The following PCOLCE variants were observed in gnomAD, a reference collection of about 807,000 sequenced individuals.
PCOLCE encodes procollagen C-endopeptidase enhancer, also known as procollagen C-endopeptidase enhancer 1.
In PCOLCE, 33 loss-of-function variants were observed where a neutral mutation model predicts 47.2. That is an observed-to-expected ratio of 0.70 (90% CI 0.53 to 0.93). The LOEUF is 0.93. PCOLCE is among the 40% of genes least tolerant of loss of function. PCOLCE has a pLI of 0.00. For synonymous variants in PCOLCE, 254 were observed against 252.5 expected, an observed-to-expected ratio of 1.01 and a Z score of -0.06; for missense variants, 584 against 585.3, an observed-to-expected ratio of 1.00 and a Z score of 0.02.
At chr7:100,607,090 C>CAA (rs559618495) in intron 6 of PCOLCE, among the ~76,000 whole-genome samples, 31 of 105,228 alleles carry the variant, frequency 2.9e-4, no homozygotes, top group Admixed American at 6.9e-4. Flanking sequence ...GATTCTGTCT[C>CAA]AAAAAAAAAA....
In PCOLCE at chr7:100,605,069, C is replaced by G; in HGVS notation, c.464-22C>G. 6.3e-7 allele frequency: 1 copy of G among 1,590,636 alleles called. No homozygotes were observed. Among genetic ancestry groups the G allele is most frequent in the Non-Finnish European group, 8.6e-7 (1 of 1,162,088 alleles). ...GAGGGTCTCCACCGCCCCCCACCCC[C>G]GCTCCTCTCTCCCCTCCCCAGAGCA... On this transcript the variant is annotated intron_variant, in intron 3 of 8. Transcript: ENST00000223061. The surrounding 1 kb of genome is among the most constrained non-coding windows in gnomAD (Gnocchi z 6.1).
chr7:100,605,289 A>C lies in PCOLCE; in HGVS notation c.588+74A>C. 3 of 1,465,474 alleles carry C rather than the reference A, an allele frequency of 2.0e-6. No homozygotes were observed. Among genetic ancestry groups the C allele is most frequent in the Non-Finnish European group, 2.8e-6 (3 of 1,070,880 alleles). The allele number at this position is 1,465,474 out of a possible 1,614,324, so 90.8% of individuals were successfully genotyped here. On this transcript the variant is annotated intron_variant, in intron 4 of 8. Transcript: ENST00000223061. The surrounding 1 kb of genome is among the most constrained non-coding windows in gnomAD (Gnocchi z 6.1). ...TCCAGCTTGCAGCCAGCAGAGATTT[A>C]TTGAAGATCTGCTGTGTCCCGAGCA...
At chr7:100,607,342 G>A (rs1275162437) in intron 6 of PCOLCE, 110 bp from the exon 7 acceptor site, 3 of 823,264 alleles carry the variant, frequency 3.6e-6, no homozygotes, top group Non-Finnish European at 6.1e-6. Context: ...TGGGTGCTAG[G>A]ACCGGAAGCC....
chr7:100,603,146 C>G, intron 1 of PCOLCE: 1 of 335,838 alleles, frequency 3.0e-6, no homozygotes, highest in Non-Finnish European at 5.3e-6. Context: ...GAAGGGGGGC[C>G]GAGGAGGATT....
rs759682787 is a variant in PCOLCE, at chr7:100,605,108, G to A, written c.481G>A (p.Gly161Arg). 6.2e-7 allele frequency: 1 copy of A among 1,612,082 alleles called. No homozygotes were observed. Among genetic ancestry groups the A allele is most frequent in the African/African-American group, 1.3e-5 (1 of 74,896 alleles). Reference sequence around the variant, plus strand: ...CTCCCCAGAGCACCAATTTTGCGGGGGGCGGCTGGAGAAGGCCCAGGGAAC... The same window carrying A: ...CTCCCCAGAGCACCAATTTTGCGGGAGGCGGCTGGAGAAGGCCCAGGGAAC... ...TSGTEHQFCG[G>R]RLEKAQGTLT... Residue 161 changes from glycine (G) to arginine (R), a missense_variant, in exon 4 of 9, where the codon GGG (glycine) becomes AGG (arginine). By Grantham distance (125) the Gly-to-Arg change is moderately radical. Transcript: ENST00000223061. The surrounding 1 kb of genome is among the most constrained non-coding windows in gnomAD (Gnocchi z 6.1).
chr7:100,602,915 G>C, intron 1 of PCOLCE: 1 of 333,208 alleles, frequency 3.0e-6, no homozygotes, highest in South Asian at 4.0e-5. Context: ...AGTGAGTGGA[G>C]ACTTGGGAGT....
rs1014892290 is a variant in PCOLCE at position 100,605,880 on chromosome 7, G to A, written c.725+68G>A. 1 of 1,502,204 alleles carries A rather than the reference G, an allele frequency of 6.7e-7. No homozygotes were observed. Among genetic ancestry groups the A allele is most frequent in the African/African-American group, 1.4e-5 (1 of 72,244 alleles). 93.1% of individuals were successfully genotyped at this position (1,502,204 alleles called of 1,614,324 possible). A position where few individuals can be genotyped will look rare whatever the true frequency, so the allele number is the denominator to read the frequency against. On this transcript the variant is annotated intron_variant, in intron 5 of 8. Transcript: ENST00000223061. This position sits in a 1 kb window ranked among gnomAD's most constrained non-coding sequence, Gnocchi z 6.1. Reference sequence around the variant, plus strand: ...ACCGCACGCACGCGGCTGTTTGGAGGGGCGGGGTTCAGCTAAAGGGACGGG... The same window carrying A: ...ACCGCACGCACGCGGCTGTTTGGAGAGGCGGGGTTCAGCTAAAGGGACGGG...
chr7:100,603,814 C>T (rs1394707704), intron 2 of PCOLCE, 145 bp from the exon 3 acceptor site: 3 of 883,674 alleles, frequency 3.4e-6, no homozygotes, highest in East Asian at 5.0e-5. Context: ...GCTGCAGAGA[C>T]CAGGCCCTCT....
intron 6 of PCOLCE, among the ~76,000 whole-genome samples, chr7:100,607,204 C>T (rs1802732334): frequency 6.6e-6 from 1 of 152,060 alleles, no homozygotes; most frequent in African/African-American, 2.4e-5. Flanking sequence ...GACTGTGCCG[C>T]TACACTCCAG....
At position 100,608,026 on chromosome 7, in the gene PCOLCE, C is replaced by G; in HGVS notation, c.1273C>G (p.Gln425Glu). Reference protein sequence around the residue: ...ESFVVLHRPNQDQILTNLSKR... With the variant: ...ESFVVLHRPNEDQILTNLSKR... ...CTTTGTGGTTCTCCACCGGCCCAAC[C>G]AGGACCAGATCCTCACCAACCTAAG... is the stretch of plus-strand genomic sequence containing the variant. Residue 425 changes from glutamine (Q) to glutamate (E), a missense_variant, in exon 9 of 9, where the codon CAG becomes GAG. Transcript: ENST00000223061. 6.2e-7 allele frequency: 1 copy of G among 1,614,118 alleles called. No homozygotes were observed. The highest frequency in any genetic ancestry group is 8.5e-7 in the Non-Finnish European group (1 of 1,179,984).
At position 100,604,546 on chromosome 7, in the gene PCOLCE, C is replaced by T; in HGVS notation, c.463+329C>T. On this transcript the variant is annotated intron_variant, in intron 3 of 8. Transcript: ENST00000223061. This position sits in a 1 kb window ranked among gnomAD's most constrained non-coding sequence, Gnocchi z 6.4. The stretch of plus-strand genomic sequence containing the variant: ...CCGTCCGCAATCGGGCTCCCTCCGT[C>T]GGGCGCGAGGGGGCACCCCAGGGCT... 1 of 445,746 alleles carries T rather than the reference C, an allele frequency of 2.2e-6. No homozygotes were observed. The highest frequency in any genetic ancestry group is 4.2e-6 in the Non-Finnish European group (1 of 240,162). The allele number at this position is 445,746 out of a possible 1,614,324, so 27.6% of individuals were successfully genotyped here.
chr7:100,602,662 G>C (rs1259612251), intron 1 of PCOLCE, 111 bp downstream of exon 1: 2 of 728,906 alleles, frequency 2.7e-6, no homozygotes, highest in Admixed American at 3.8e-5. Flanking sequence ...CCACTCCCCA[G>C]ATTCCCCACC....
rs756963043 is a variant in PCOLCE, at chr7:100,605,057, G to A, written c.464-34G>A. The A allele has an allele frequency of 2.6e-6, 4 of 1,540,134 alleles. No individual in the cohort carries two copies. In the South Asian group the frequency reaches 4.5e-5, roughly 17 times the overall value. ...CTGAAGCTGACCGAGGGTCTCCACCGCCCCCCACCCCCGCTCCTCTCTCCC... is the reference window on the plus strand; with the variant it reads ...CTGAAGCTGACCGAGGGTCTCCACCACCCCCCACCCCCGCTCCTCTCTCCC... On this transcript the variant is annotated intron_variant, in intron 3 of 8. Transcript: ENST00000223061. This position sits in a 1 kb window ranked among gnomAD's most constrained non-coding sequence, Gnocchi z 6.1.
rs370647091 is a variant in PCOLCE at position 100,605,744 on chromosome 7, C to A, written c.657C>A (p.Ser219Arg). Residue 219 changes from serine to arginine, a missense_variant, in exon 5 of 9, where the codon AGC (serine) becomes AGA (arginine). Coordinates refer to ENST00000223061, the MANE Select transcript of PCOLCE (RefSeq NM_002593.4). The surrounding 1 kb of genome is among the most constrained non-coding windows in gnomAD (Gnocchi z 6.1). ...CCTACTGCCGCTATGACTCGGTCAG[C>A]GTGTTCAACGGAGCCGTGAGCGACG... Reference protein sequence around the residue: ...PDTYCRYDSVSVFNGAVSDDS... With the variant: ...PDTYCRYDSVRVFNGAVSDDS... 1.9e-6 allele frequency: 3 copies of A among 1,566,768 alleles called. No individual in the cohort carries two copies. The highest frequency in any genetic ancestry group is 2.3e-5 in the South Asian group (2 of 85,246).
chr7:100,607,103 A>AAAAAAAAAAAAAAAAAAC (rs1376138827), intron 6 of PCOLCE, among the ~76,000 whole-genome samples: 1 of 151,648 alleles, frequency 6.6e-6, no homozygotes, highest in African/African-American at 2.4e-5. Context: ...AAAAAAAAAA[A>AAAAAAAAAAAAAAAAAAC]AAACTTAGCC....
At position 100,605,722 on chromosome 7, in the gene PCOLCE, A is replaced by ACT; in HGVS notation, c.636_637dup (p.Cys213SerfsTer14). On this transcript the variant is annotated frameshift_variant, in exon 5 of 9. Transcript: ENST00000223061. LOFTEE classifies it high-confidence loss of function. The surrounding 1 kb of genome is among the most constrained non-coding windows in gnomAD (Gnocchi z 6.1). ...AAGTTTGACCTGGAGCCGGACACCTACTGCCGCTATGACTCGGTCAGCGTG... is the reference window on the plus strand; with the variant it reads ...AAGTTTGACCTGGAGCCGGACACCTACTCTGCCGCTATGACTCGGTCAGCGTG... 1 of 1,575,952 alleles carries ACT rather than the reference A, an allele frequency of 6.3e-7. No homozygotes were observed. Among genetic ancestry groups the ACT allele is most frequent in the East Asian group, 2.3e-5 (1 of 42,736 alleles).
intron 1 of PCOLCE, chr7:100,602,996 C>CATTGAAA: frequency 4.5e-6 from 1 of 221,088 alleles, no homozygotes; most frequent in Non-Finnish European, 8.8e-6. Flanking sequence ...CCTCCAGGTT[C>CATTGAAA]AATCAGAGGG....
intron 1 of PCOLCE, 46 bp from the exon 2 acceptor site, chr7:100,603,384 G>A: frequency 1.8e-6 from 1 of 568,266 alleles, no homozygotes; most frequent in Non-Finnish European, 3.2e-6. Context: ...GTGCTCCCCC[G>A]TCCCACCCGT....
At position 100,605,263 on chromosome 7, in the gene PCOLCE, C is replaced by A. The variant is rs1338169609; in HGVS notation, c.588+48C>A. The A allele has an allele frequency of 6.4e-7, 1 of 1,568,380 alleles. No homozygotes were observed. Among genetic ancestry groups the A allele is most frequent in the Admixed American group, 1.8e-5 (1 of 56,958 alleles). On this transcript the variant is annotated intron_variant, in intron 4 of 8. Coordinates refer to ENST00000223061, the MANE Select transcript of PCOLCE (RefSeq NM_002593.4). The surrounding 1 kb of genome is among the most constrained non-coding windows in gnomAD (Gnocchi z 6.1). The stretch of plus-strand genomic sequence containing the variant: ...TGCCCTAGGGGACCCAGGCGGCGCC[C>A]TCCAGCTTGCAGCCAGCAGAGATTT...
Sources: allele counts gnomAD v4.1 joint callset (sites outside exome capture counted in the v4.1 genomes callset), GRCh38; gene constraint gnomAD v4.1.1; non-coding constraint Gnocchi (gnomAD v3.1); transcripts MANE v1.5; gene names NCBI Gene and HGNC (gene_info 2026-07-23, HGNC 2026-07-21).